KCMF1: variants seen among roughly 807,000 people sequenced by gnomAD.
The protein encoded by KCMF1 is potassium channel modulatory factor 1.
Under a neutral mutation model 41.1 loss-of-function variants are expected in KCMF1, and 3 were observed. The ratio of observed to expected loss-of-function variants is 0.07; its 90% CI spans 0.03 to 0.19. The LOEUF (loss-of-function observed/expected upper bound fraction) is 0.19. Among genes scored for constraint, KCMF1 ranks in the 10% least tolerant of loss-of-function variants. The probability of loss-of-function intolerance (pLI) is 1.00; values close to 1 mark genes in which losing one functional copy is unlikely to be tolerated. For missense variants in KCMF1, 286 were observed against 488.9 expected (o/e 0.58, Z 3.91); for synonymous variants, 142 against 164.5 (o/e 0.86, Z 1.04).
rs1241652033 is a variant in KCMF1, at chr2:84,990,566, T to C, written c.16+19099T>C. ...ACTCACTCCTGTAATCTCAATACTTTGGGAGGCTGAGTTGGGAGGATTGCT... is the reference window on the plus strand; with the variant it reads ...ACTCACTCCTGTAATCTCAATACTTCGGGAGGCTGAGTTGGGAGGATTGCT... On this transcript the variant is annotated intron_variant, in intron 1 of 6. Transcript: ENST00000409785. Among the ~76,000 whole-genome samples, 6 of 152,032 alleles carry C rather than the reference T, an allele frequency of 3.9e-5. No individual in the cohort carries two copies. In the South Asian group the frequency reaches 8.3e-4, roughly 21 times the overall value.
At chr2:84,974,235 A>G (rs1673473542) in intron 1 of KCMF1, among the ~76,000 whole-genome samples, 1 of 152,202 alleles carries the variant, frequency 6.6e-6, no homozygotes, top group Non-Finnish European at 1.5e-5. Context: ...AACTGGATAT[A>G]ATAGTCTGGT....
intron 1 of KCMF1, among the ~76,000 whole-genome samples, chr2:84,977,703 G>C (rs1673585572): frequency 6.6e-6 from 1 of 151,822 alleles, no homozygotes; most frequent in African/African-American, 2.4e-5. Flanking sequence ...TTATAGGTGT[G>C]AGCTGCCATG....
intron 3 of KCMF1, among the ~76,000 whole-genome samples, chr2:85,042,842 C>G (rs1675572795): frequency 6.6e-6 from 1 of 152,152 alleles, no homozygotes; most frequent in Non-Finnish European, 1.5e-5. Context: ...CAACCTGTCA[C>G]CCGCTCCCCG....
Position 85,053,257 on chromosome 2 carries a change from G to A in KCMF1, c.994G>A (p.Glu332Lys). The part of the protein sequence containing the change: ...ELLLSTLVRE[E>K]SSSSDEDDRG... Reference sequence around the variant, plus strand: ...CCTTCTGTCCACTTTAGTGCGTGAAGAGAGCTCATCCTCAGATGAGGATGA... The same window carrying A: ...CCTTCTGTCCACTTTAGTGCGTGAAAAGAGCTCATCCTCAGATGAGGATGA... Residue 332 changes from glutamate to lysine, a missense_variant, in exon 7 of 7, where the codon GAG becomes AAG. Glu to Lys is a moderately conservative substitution (Grantham distance 56). This residue lies in a region of KCMF1 where 191 missense variants were observed against 279.3 expected (regional missense o/e 0.68). Transcript: ENST00000409785. The A allele has an allele frequency of 6.2e-7, 1 of 1,614,028 alleles. No homozygotes were observed. The highest frequency in any genetic ancestry group is 8.5e-7 in the Non-Finnish European group (1 of 1,179,902).
intron 2 of KCMF1, among the ~76,000 whole-genome samples, chr2:85,033,372 TTTATC>T (rs1265005380): frequency 6.6e-6 from 1 of 152,226 alleles, no homozygotes; most frequent in Non-Finnish European, 1.5e-5. Context: ...GTCTCTCTGT[TTTATC>T]TTAGTATAAG....
At chr2:85,008,083 T>C (rs1674516174) in intron 1 of KCMF1, among the ~76,000 whole-genome samples, 1 of 151,592 alleles carries the variant, frequency 6.6e-6, no homozygotes, top group Non-Finnish European at 1.5e-5. Flanking sequence ...TTCTATAAAG[T>C]TTACATGAAC....
chr2:84,999,639 T>G (rs1459066973), intron 1 of KCMF1, among the ~76,000 whole-genome samples: 5 of 152,182 alleles, frequency 3.3e-5, no homozygotes, highest in East Asian at 1.9e-4. Context: ...CCTATACTAT[T>G]TATAGATATG....
intron 1 of KCMF1, among the ~76,000 whole-genome samples, chr2:84,998,592 TTTAC>T (rs546940355): frequency 1.3e-3 from 190 of 151,390 alleles, no homozygotes; most frequent in African/African-American, 3.4e-3. Flanking sequence ...TATTTATTTA[TTTAC>T]TTACTTACTT....
intron 2 of KCMF1, among the ~76,000 whole-genome samples, chr2:85,032,957 G>A (rs370577409): frequency 4.6e-5 from 7 of 152,170 alleles, no homozygotes; most frequent in Non-Finnish European, 7.4e-5. Flanking sequence ...ATACTAAATA[G>A]GAGTGGCAAG....
intron 1 of KCMF1, among the ~76,000 whole-genome samples, chr2:84,978,728 T>G (rs566291038): frequency 6.6e-6 from 1 of 152,046 alleles, no homozygotes; most frequent in East Asian, 1.9e-4. Context: ...GTTTGTTTGC[T>G]TTTTGAGATG....
intron 2 of KCMF1, among the ~76,000 whole-genome samples, chr2:85,032,067 C>A (rs1478363946): frequency 1.3e-5 from 2 of 152,092 alleles, no homozygotes; most frequent in Admixed American, 6.5e-5. Flanking sequence ...TTGTTCATTG[C>A]AACCATATAG....
chr2:85,047,464 GA>G (rs1675698220), intron 5 of KCMF1, among the ~76,000 whole-genome samples: 1 of 152,004 alleles, frequency 6.6e-6, no homozygotes, highest in Non-Finnish European at 1.5e-5. Flanking sequence ...ATAGCTAATT[GA>G]AAAGACTAAA....
At chr2:85,012,745 T>A (rs1372110627) in intron 1 of KCMF1, among the ~76,000 whole-genome samples, 1 of 152,222 alleles carries the variant, frequency 6.6e-6, no homozygotes, top group African/African-American at 2.4e-5. Flanking sequence ...TTATTCCTAC[T>A]CCTATACAGA....
At chr2:85,006,338 T>C (rs1674472807) in intron 1 of KCMF1, among the ~76,000 whole-genome samples, 1 of 133,950 alleles carries the variant, frequency 7.5e-6, no homozygotes, top group East Asian at 2.6e-4. Context: ...TCTCGCACTC[T>C]CACCCAGGCT....
intron 1 of KCMF1, among the ~76,000 whole-genome samples, chr2:85,018,795 ATTTTT>A (rs34627507): frequency 1.3e-3 from 93 of 73,670 alleles, no homozygotes; most frequent in African/African-American, 4.2e-3. Context: ...CAGAACTTTG[ATTTTT>A]TTTTTTTTTT....
chr2:85,034,340 T>C (rs777176728), intron 2 of KCMF1, among the ~76,000 whole-genome samples: 1 of 152,240 alleles, frequency 6.6e-6, no homozygotes, highest in Non-Finnish European at 1.5e-5. Context: ...TCTTTCCCTC[T>C]GAGCACATTT....
intron 1 of KCMF1, among the ~76,000 whole-genome samples, chr2:85,010,869 G>T (rs1674634689): frequency 6.7e-6 from 1 of 149,784 alleles, no homozygotes; most frequent in African/African-American, 2.5e-5. Context: ...TTTTGAGACG[G>T]AGTCTCACTG....
At chr2:84,977,494 C>G in intron 1 of KCMF1, among the ~76,000 whole-genome samples, 1 of 152,138 alleles carries the variant, frequency 6.6e-6, no homozygotes, top group Non-Finnish European at 1.5e-5. Context: ...CAGCATAGCC[C>G]GCTGCAGCAT....
chr2:84,989,852 T>C (rs968986095), intron 1 of KCMF1, among the ~76,000 whole-genome samples: 1 of 152,286 alleles, frequency 6.6e-6, no homozygotes, highest in South Asian at 2.1e-4. Flanking sequence ...CAGGGGGATT[T>C]GAACATGTGA....
Sources: allele counts gnomAD v4.1 joint callset (sites outside exome capture counted in the v4.1 genomes callset), GRCh38; gene constraint gnomAD v4.1.1; regional missense constraint gnomAD v4.1.1; transcripts MANE v1.5; gene names NCBI Gene and HGNC (gene_info 2026-07-23, HGNC 2026-07-21).